The following CTBP2 variants were observed in gnomAD, a reference collection of about 807,000 sequenced individuals.
The protein encoded by CTBP2 is C-terminal binding protein 2.
A neutral mutation model predicts 80.3 loss-of-function variants in CTBP2; 30 were observed. The ratio of observed to expected loss-of-function variants is 0.37; its 90% confidence interval spans 0.28 to 0.51. CTBP2 has a LOEUF of 0.51. Among genes scored for constraint, CTBP2 ranks in the 20% least tolerant of loss-of-function variants. The pLI is 0.93. For synonymous variants in CTBP2, 594 were observed against 587.4 expected (o/e 1.01, Z -0.16); for missense variants, 1,212 against 1,375.3 (o/e 0.88, Z 1.88).
At chr10:125,029,251 T>G (rs1957948562), upstream of CTBP2, among the ~76,000 whole-genome samples, 1 of 151,496 alleles carries the variant, frequency 6.6e-6, no homozygotes, top group Admixed American at 6.6e-5. Flanking sequence ...CACAGTTTTT[T>G]TTTTTTTTTG....
chr10:125,090,620 G>A (rs1347150211), intron 2 of CTBP2, among the ~76,000 whole-genome samples: 1 of 151,990 alleles, frequency 6.6e-6, no homozygotes, highest in Non-Finnish European at 1.5e-5. Context: ...AAGATTAGCT[G>A]GGCATGGTGG....
intron 1 of CTBP2, among the ~76,000 whole-genome samples, chr10:125,157,239 G>GAAT (rs1327272089): frequency 6.6e-6 from 1 of 152,120 alleles, no homozygotes; most frequent in Admixed American, 6.5e-5. Context: ...GTTAAGAAAA[G>GAAT]GTAATTCACC....
At chr10:125,077,497 G>A (rs866298575) in intron 2 of CTBP2, among the ~76,000 whole-genome samples, 5 of 152,082 alleles carry the variant, frequency 3.3e-5, no homozygotes, top group Non-Finnish European at 5.9e-5. Context: ...CCCCGGGCTC[G>A]CAGAAAGGGC....
chr10:125,067,037 C>T (rs1232780644), intron 2 of CTBP2, among the ~76,000 whole-genome samples: 1 of 152,148 alleles, frequency 6.6e-6, no homozygotes, highest in African/African-American at 2.4e-5. Context: ...AACCAGACAC[C>T]CCCCACGTCC....
intron 1 of CTBP2, among the ~76,000 whole-genome samples, chr10:125,116,653 C>T (rs1853359743): frequency 6.6e-6 from 1 of 152,200 alleles, no homozygotes; most frequent in South Asian, 2.1e-4. Context: ...CCCTAGAGCA[C>T]CACGGCACTG....
In CTBP2 at chr10:125,052,673, T is replaced by C. The variant is rs1963056934; in HGVS notation, c.-101-13518A>G. Among the ~76,000 whole-genome samples the C allele has an allele frequency of 2.0e-5, 3 of 152,282 alleles. No homozygotes were observed. The South Asian group carries it at 6.2e-4, about 32-fold the overall frequency. On this transcript the variant is annotated intron_variant, in intron 2 of 10. Coordinates refer to the CTBP2 transcript ENST00000337195. ...GGTCCAGCAGCAAACGGATGGTGAT[T>C]GTGCCTTTGAATGCCTCAGTCCGGG...
Position 125,098,657 on chromosome 10 carries a change from G to GAGA in CTBP2, c.-102+12332_-102+12333insTCT, listed in dbSNP as rs1849948390. Among the ~76,000 whole-genome samples, 10 of 44,994 alleles carry GAGA rather than the reference G, an allele frequency of 2.2e-4. 1 individual carries two copies. In the East Asian group the frequency reaches 2.7e-3, roughly 12 times the overall value. 29.5% of individuals were successfully genotyped at this position (44,994 alleles called of 152,430 possible). A position where few individuals can be genotyped will look rare whatever the true frequency, so the allele number is the denominator to read the frequency against. On this transcript the variant is annotated intron_variant, in intron 2 of 10. Coordinates refer to the CTBP2 transcript ENST00000337195. ...GAACAGAGAGAGAAATGGGGGAGGG[G>GAGA]GAGAGAGAGAGAGAGAGAGAGAGAG...
At chr10:125,136,738 C>T (rs566954588) in intron 1 of CTBP2, among the ~76,000 whole-genome samples, 2 of 152,320 alleles carry the variant, frequency 1.3e-5, no homozygotes, top group East Asian at 1.9e-4. Context: ...CAGGGGCCAA[C>T]GAACTTGAAG....
chr10:125,154,447 GA>G (rs1344272925), intron 1 of CTBP2, among the ~76,000 whole-genome samples: 1 of 152,196 alleles, frequency 6.6e-6, no homozygotes, highest in Admixed American at 6.5e-5. Context: ...ATTCTCTATA[GA>G]AACAAAATCA....
rs1348841236 is a variant in CTBP2, at chr10:124,986,289, G to GCACACACACACACA, written c.*3228_*3229insTGTGTGTGTGTGTG. 53 of 108,436 alleles carry GCACACACACACACA rather than the reference G, an allele frequency of 4.9e-4. No homozygotes were observed. Among genetic ancestry groups the GCACACACACACACA allele is most frequent in the African/African-American group, 1.9e-3 (52 of 27,624 alleles). The allele number at this position is 108,436 out of a possible 1,614,324, so 6.7% of individuals were successfully genotyped here. On this transcript the variant is annotated 3_prime_UTR_variant, in exon 9 of 9. Transcript: ENST00000309035. Reference sequence around the variant, plus strand: ...AAAGACGACACACGCACGCGCGCGCGCGCACACACACACACACACACACAC... The same window carrying GCACACACACACACA: ...AAAGACGACACACGCACGCGCGCGCGCACACACACACACACGCACACACACACACACACACACAC...
At chr10:125,009,090 C>T (rs533968590) in intron 1 of CTBP2, among the ~76,000 whole-genome samples, 1 of 152,310 alleles carries the variant, frequency 6.6e-6, no homozygotes, top group South Asian at 2.1e-4. Context: ...GTAGGGTGGA[C>T]GTGTCAGGTT....
chr10:124,988,882 C>CTTT lies in CTBP2; in HGVS notation c.*633_*635dup, dbSNP rs35684967. Reference sequence around the variant, plus strand: ...TACAAACAGCTTGTGAAACTTAATACTTTTTTTTTTTTTTTTGCATCATCA... The same window carrying CTTT: ...TACAAACAGCTTGTGAAACTTAATACTTTTTTTTTTTTTTTTTTTGCATCATCA... On this transcript the variant is annotated 3_prime_UTR_variant, in exon 9 of 9. Transcript: ENST00000309035. 2.1e-5 allele frequency: 3 copies of CTTT among 140,818 alleles called. No individual in the cohort carries two copies. In the East Asian group the frequency reaches 6.2e-4, roughly 29 times the overall value. The allele number at this position is 140,818 out of a possible 1,614,324, so 8.7% of individuals were successfully genotyped here.
intron 1 of CTBP2, among the ~76,000 whole-genome samples, chr10:125,144,760 T>C (rs1858442284): frequency 6.6e-6 from 1 of 152,244 alleles, no homozygotes; most frequent in African/African-American, 2.4e-5. Flanking sequence ...CTCTGTGGCA[T>C]CCATCTTTGA....
chr10:125,047,451 C>A (rs115758838), intron 2 of CTBP2, among the ~76,000 whole-genome samples: 2 of 152,100 alleles, frequency 1.3e-5, no homozygotes, highest in African/African-American at 4.8e-5. Flanking sequence ...TATATCTGAA[C>A]GTCATGCAGA....
chr10:125,066,271 A>G lies in CTBP2; in HGVS notation c.-101-27116T>C, dbSNP rs1437213265. Among the ~76,000 whole-genome samples, 1 of 152,024 alleles carries G rather than the reference A, an allele frequency of 6.6e-6. No homozygotes were observed. Among genetic ancestry groups the G allele is most frequent in the Admixed American group, 6.5e-5 (1 of 15,274 alleles). On this transcript the variant is annotated intron_variant, in intron 2 of 10. Coordinates refer to the CTBP2 transcript ENST00000337195. This position sits in a 1 kb window ranked among gnomAD's most constrained non-coding sequence, Gnocchi z 4.1. The stretch of plus-strand genomic sequence containing the variant: ...CCACCCCTCTACCAAGCCACATCCC[A>G]AATCCTAACCCCAGCAGAGCCAGAG...
chr10:125,107,876 C>T (rs371183487), intron 2 of CTBP2, among the ~76,000 whole-genome samples: 13 of 152,204 alleles, frequency 8.5e-5, no homozygotes, highest in East Asian at 1.9e-4. Context: ...CACCATTTTA[C>T]GTAATATAAT....
chr10:125,040,628 A>ACACACACACAC (rs1959438318), intron 2 of CTBP2, among the ~76,000 whole-genome samples: 1 of 151,602 alleles, frequency 6.6e-6, no homozygotes, highest in African/African-American at 2.4e-5. Flanking sequence ...ACACACACAG[A>ACACACACACAC]AAAAGTGGTT....
At chr10:125,115,276 C>T (rs1390745773) in intron 1 of CTBP2, among the ~76,000 whole-genome samples, 1 of 152,192 alleles carries the variant, frequency 6.6e-6, no homozygotes, top group East Asian at 1.9e-4. Flanking sequence ...GAACGGAGCA[C>T]CACTGTGCGC....
At chr10:125,032,339 A>C (rs1958331667), upstream of CTBP2, among the ~76,000 whole-genome samples, 1 of 152,072 alleles carries the variant, frequency 6.6e-6, no homozygotes, top group Admixed American at 6.5e-5. Flanking sequence ...CCTCACCTCC[A>C]TGGTGACCCG....
Sources: allele counts gnomAD v4.1 joint callset (sites outside exome capture counted in the v4.1 genomes callset), GRCh38; gene constraint gnomAD v4.1.1; non-coding constraint Gnocchi (gnomAD v3.1); transcripts MANE v1.5; gene names NCBI Gene and HGNC (gene_info 2026-07-23, HGNC 2026-07-21).